The following GSE1 variants were observed in gnomAD, a reference collection of about 807,000 sequenced individuals.
The protein encoded by GSE1 is genetic suppressor element 1.
GSE1 carries 32 observed loss-of-function variants against 112.6 expected under a neutral mutation model. The observed-to-expected ratio is 0.28, with a 90% CI of 0.21 to 0.38. The LOEUF (loss-of-function observed/expected upper bound fraction) is 0.38. Among genes scored for constraint, GSE1 ranks in the 10% least tolerant of loss-of-function variants. The pLI is 1.00. For synonymous variants in GSE1, 1,115 were observed against 735.6 expected (o/e 1.52, Z -8.35); for missense variants, 2,348 against 1,699.2 (o/e 1.38, Z -6.71).
At position 85,370,083 on chromosome 16, in the gene GSE1, A is replaced by G. The variant is rs578025704; in HGVS notation, c.2464+12440A>G. On this transcript the variant is annotated intron_variant, in intron 2 of 2. Transcript: ENST00000637419. ...GGTCCCTGCGCCACCCTTGCGGGGC[A>G]GGGGCTGGATACTGGCCGGACCCAG... 3.1e-4 allele frequency among the ~76,000 whole-genome samples: 47 copies of G among 152,256 alleles called. 1 individual carries two copies. In the East Asian group the frequency reaches 8.5e-3, roughly 27 times the overall value.
rs556889744 is a variant in GSE1, at chr16:85,462,185, G to A, written c.2464+104542G>A. 2.6e-5 allele frequency among the ~76,000 whole-genome samples: 4 copies of A among 152,248 alleles called. No homozygotes were observed. The South Asian group carries it at 6.2e-4, about 24-fold the overall frequency. On this transcript the variant is annotated intron_variant, in intron 2 of 2. Transcript: ENST00000637419. ...TCTGCCCCTCCTTGCCAGAGCACACGGTGTCAGGAGGTCCCCCTGCAGTCT... is the reference window on the plus strand; with the variant it reads ...TCTGCCCCTCCTTGCCAGAGCACACAGTGTCAGGAGGTCCCCCTGCAGTCT...
rs55732128 is a variant in GSE1 at position 85,476,925 on chromosome 16, C to CTT, written c.2464+119299_2464+119300dup. 9.1e-3 allele frequency among the ~76,000 whole-genome samples: 1,068 copies of CTT among 117,728 alleles called. 29 individuals are homozygous for CTT. Among genetic ancestry groups the CTT allele is most frequent in the African/African-American group, 0.028 (857 of 30,382 alleles). The allele number at this position is 117,728 out of a possible 152,430, so 77.2% of individuals were successfully genotyped here. A position where few individuals can be genotyped will look rare whatever the true frequency, so the allele number is the denominator to read the frequency against. ...ACCATGCCTGGCATCGTATGTGGTT[C>CTT]TTTTTTTTTTTTTTTTTTGAGCTGG... On this transcript the variant is annotated intron_variant, in intron 2 of 2. Coordinates refer to the GSE1 transcript ENST00000637419.
rs182205223 is a variant in GSE1 at position 85,275,480 on chromosome 16, G to A, written c.2284-81983G>A. On this transcript the variant is annotated intron_variant, in intron 1 of 2. Coordinates refer to the GSE1 transcript ENST00000637419. ...TGGACTTTGCATCCAGAAGTACCTC[G>A]GTGCGAGTCTCAGACCTGTCTCACT... is the stretch of plus-strand genomic sequence containing the variant. Among the ~76,000 whole-genome samples the A allele has an allele frequency of 2.1e-4, 32 of 152,334 alleles. No homozygotes were observed. In the East Asian group the frequency reaches 4.8e-3, roughly 23 times the overall value.
chr16:85,655,849 T>G lies in GSE1; in HGVS notation c.921T>G (p.Pro307=), dbSNP rs950714620. ...MHLHLSGVRY[P]PELSHSSLAA... ...TGCACCTCTCTGGGGTCCGCTACCCTCCCGAGCTCTCCCACTCATCCCTGG... is the reference window on the plus strand; with the variant it reads ...TGCACCTCTCTGGGGTCCGCTACCCGCCCGAGCTCTCCCACTCATCCCTGG... Residue 307 remains proline, a synonymous_variant, in exon 6 of 16, where the codon CCT becomes CCG. Transcript: ENST00000253458. The G allele has an allele frequency of 1.2e-6, 2 of 1,606,346 alleles. No individual in the cohort carries two copies. The highest frequency in any genetic ancestry group is 1.7e-6 in the Non-Finnish European group (2 of 1,178,320).
At chr16:85,296,030 C>T (rs1031716218) in intron 1 of GSE1, among the ~76,000 whole-genome samples, 3 of 152,188 alleles carry the variant, frequency 2.0e-5, no homozygotes, top group African/African-American at 7.2e-5. Flanking sequence ...CACAGCTCTC[C>T]TCGGAGCCAG....
intron 1 of GSE1, among the ~76,000 whole-genome samples, chr16:85,344,774 C>T (rs937273232): frequency 2.6e-5 from 4 of 152,208 alleles, no homozygotes; most frequent in Non-Finnish European, 5.9e-5. Flanking sequence ...TGAGTCTATG[C>T]CCTCAGCCCC....
Position 85,654,970 on chromosome 16 carries a change from C to A in GSE1, c.776C>A (p.Pro259His). ...CACCCCAGCTACCTGGCCCCACACC[C>A]CTTCCCCCACCCGGCCTTCAGGTGA... The part of the protein sequence containing the change: ...YYHPSYLAPH[P>H]FPHPAFRMDD... Residue 259 changes from proline to histidine, a missense_variant, in exon 5 of 16, where the codon CCC becomes CAC. Transcript: ENST00000253458. The A allele has an allele frequency of 6.3e-7, 1 of 1,599,976 alleles. No homozygotes were observed. The highest frequency in any genetic ancestry group is 8.5e-7 in the Non-Finnish European group (1 of 1,174,182).
In GSE1 at chr16:85,669,395, G is replaced by C. The variant is rs1033716616; in HGVS notation, c.3415+971G>C. On this transcript the variant is annotated intron_variant, in intron 14 of 15. Coordinates refer to ENST00000253458, the MANE Select transcript of GSE1 (RefSeq NM_014615.5). ...GCCACTTCAAATACTTAGAAAAGTAGTTTTTTTCTTTTTTCTCCTGGTAGA... is the reference window on the plus strand; with the variant it reads ...GCCACTTCAAATACTTAGAAAAGTACTTTTTTTCTTTTTTCTCCTGGTAGA... 2.6e-5 allele frequency among the ~76,000 whole-genome samples: 4 copies of C among 151,070 alleles called. No homozygotes were observed. In the South Asian group the frequency reaches 8.9e-4, roughly 33 times the overall value.
At chr16:85,548,597 G>A (rs528607233) in intron 2 of GSE1, among the ~76,000 whole-genome samples, 21 of 152,298 alleles carry the variant, frequency 1.4e-4, no homozygotes, top group African/African-American at 3.6e-4. Context: ...TTACGGGTGA[G>A]TAGTATTCCA....
chr16:85,434,113 C>A (rs1216556337), intron 2 of GSE1, among the ~76,000 whole-genome samples: 1 of 152,126 alleles, frequency 6.6e-6, no homozygotes, highest in African/African-American at 2.4e-5. Flanking sequence ...TGTGGCCCAA[C>A]TCCTCACCAG....
intron 2 of GSE1, among the ~76,000 whole-genome samples, chr16:85,444,469 G>T (rs949616681): frequency 6.6e-6 from 1 of 152,120 alleles, no homozygotes; most frequent in African/African-American, 2.4e-5. Flanking sequence ...GAGAGCTGCC[G>T]AGTCTGGTTT....
intron 1 of GSE1, among the ~76,000 whole-genome samples, chr16:85,349,770 G>A (rs775578079): frequency 2.6e-5 from 4 of 152,174 alleles, no homozygotes; most frequent in Non-Finnish European, 5.9e-5. Context: ...TGTGTTCCTT[G>A]TCTCATCTTC....
At chr16:85,514,961 A>G (rs1367262114) in intron 2 of GSE1, among the ~76,000 whole-genome samples, 1 of 152,158 alleles carries the variant, frequency 6.6e-6, no homozygotes, top group African/African-American at 2.4e-5. Flanking sequence ...ATGAGTGTGC[A>G]TGTGAGCGTG....
intron 1 of GSE1, among the ~76,000 whole-genome samples, chr16:85,620,977 G>A (rs548465891): frequency 1.3e-5 from 2 of 149,826 alleles, no homozygotes; most frequent in East Asian, 2.0e-4. Context: ...CGTGTAGATG[G>A]TCTCGGCCCG....
chr16:85,612,450 T>C (rs982162127), upstream of GSE1, among the ~76,000 whole-genome samples: 46 of 151,932 alleles, frequency 3.0e-4, no homozygotes, highest in South Asian at 2.1e-4. Flanking sequence ...GTCGTGCCAG[T>C]TTCTGGAGGC....
chr16:85,255,831 A>C (rs528380821), intron 1 of GSE1, among the ~76,000 whole-genome samples: 8 of 152,104 alleles, frequency 5.3e-5, no homozygotes, highest in African/African-American at 1.9e-4. Flanking sequence ...TGGGACTACC[A>C]GTGTGCATGA....
intron 3 of GSE1, among the ~76,000 whole-genome samples, chr16:85,652,181 C>T (rs1281526287): frequency 1.3e-5 from 2 of 152,254 alleles, no homozygotes; most frequent in Non-Finnish European, 2.9e-5. Context: ...CATGCCCGTT[C>T]ATAGCCGTGC....
At chr16:85,643,299 G>A (rs2050594440) in intron 2 of GSE1, among the ~76,000 whole-genome samples, 3 of 152,058 alleles carry the variant, frequency 2.0e-5, no homozygotes, top group Non-Finnish European at 4.4e-5. Flanking sequence ...CTCCAGCCAC[G>A]CGGTGAGAAT....
chr16:85,669,305 CTT>C (rs984941640), intron 14 of GSE1, among the ~76,000 whole-genome samples: 2 of 152,260 alleles, frequency 1.3e-5, no homozygotes, highest in African/African-American at 4.8e-5. Flanking sequence ...CTAGAGGACT[CTT>C]TATCATCACA....
Sources: allele counts gnomAD v4.1 joint callset (sites outside exome capture counted in the v4.1 genomes callset), GRCh38; gene constraint gnomAD v4.1.1; transcripts MANE v1.5; gene names NCBI Gene and HGNC (gene_info 2026-07-23, HGNC 2026-07-21).